The following SERAC1 variants were observed in gnomAD, a reference collection of about 807,000 sequenced individuals.
SERAC1 encodes protein SERAC1.
A neutral mutation model predicts 85.7 loss-of-function variants in SERAC1; 36 were observed. The observed-to-expected ratio is 0.42, with a 90% confidence interval of 0.32 to 0.55. SERAC1 has a LOEUF of 0.55. SERAC1 is among the 20% of genes least tolerant of loss of function. SERAC1 has a pLI of 0.11. For missense variants in SERAC1, 629 were observed against 796.2 expected (o/e 0.79, Z 2.53); for synonymous variants, 242 against 265.3 (o/e 0.91, Z 0.85).
intron 12 of SERAC1, 120 bp downstream of exon 12, chr6:158,118,909 G>T: frequency 8.3e-7 from 1 of 1,208,450 alleles, no homozygotes; most frequent in Non-Finnish European, 1.2e-6. Flanking sequence ...ATCTCCCTAA[G>T]GGAAAGAAGA....
At chr6:158,150,689 G>C (rs1191537297) in intron 3 of SERAC1, 100 bp from the exon 4 acceptor site, 1 of 835,292 alleles carries the variant, frequency 1.2e-6, no homozygotes, top group South Asian at 1.6e-5. Context: ...CTTCTTTTTT[G>C]TTGGGAAACA....
At position 158,119,482 on chromosome 6, in the gene SERAC1, C is replaced by T. The variant is rs1019279938; in HGVS notation, c.1167-312G>A. Among the ~76,000 whole-genome samples, 5 of 152,144 alleles carry T rather than the reference C, an allele frequency of 3.3e-5. No individual in the cohort carries two copies. Among genetic ancestry groups the T allele is most frequent in the East Asian group, 1.9e-4 (1 of 5,192 alleles). The stretch of plus-strand genomic sequence containing the variant: ...TCATAGATTACCCTCTAAAGACTTC[C>T]ATTTGAGAATATTCTACAAATCAAT... On this transcript the variant is annotated intron_variant, in intron 11 of 16. Coordinates refer to ENST00000647468, the MANE Select transcript of SERAC1 (RefSeq NM_032861.4). This position sits in a 1 kb window ranked among gnomAD's most constrained non-coding sequence, Gnocchi z 4.5.
At chr6:158,134,941 T>A (rs543398452) in intron 8 of SERAC1, among the ~76,000 whole-genome samples, 2 of 152,150 alleles carry the variant, frequency 1.3e-5, no homozygotes, top group South Asian at 4.1e-4. Flanking sequence ...CATCAGCCAA[T>A]AAGTGTTGAG....
intron 10 of SERAC1, among the ~76,000 whole-genome samples, chr6:158,126,064 C>T (rs1402403668): frequency 6.6e-6 from 1 of 152,174 alleles, no homozygotes; most frequent in African/African-American, 2.4e-5. Flanking sequence ...AGTATATCTT[C>T]CATCCCACAA....
chr6:158,146,175 A>G (rs920634620), intron 6 of SERAC1: 1 of 152,236 alleles, frequency 6.6e-6, no homozygotes, highest in African/African-American at 2.4e-5. Context: ...AGTTGCTCTC[A>G]AAGAAGTATG....
At chr6:158,162,523 C>A (rs1785510637) in intron 1 of SERAC1, among the ~76,000 whole-genome samples, 1 of 152,146 alleles carries the variant, frequency 6.6e-6, no homozygotes, top group African/African-American at 2.4e-5. Context: ...TTCAATTCTG[C>A]AATATTCTTA....
At chr6:158,115,261 T>G (rs767811946) in intron 14 of SERAC1, among the ~76,000 whole-genome samples, 9 of 152,194 alleles carry the variant, frequency 5.9e-5, no homozygotes, top group Non-Finnish European at 1.3e-4. Flanking sequence ...ACATGAGGTA[T>G]GCCCAGCTGG....
At chr6:158,132,065 G>A (rs936093115) in intron 8 of SERAC1, among the ~76,000 whole-genome samples, 4 of 152,142 alleles carry the variant, frequency 2.6e-5, no homozygotes, top group Non-Finnish European at 5.9e-5. Context: ...AAGATGTATT[G>A]CTGCATTGCT....
At chr6:158,164,544 G>A (rs898614510) in intron 1 of SERAC1, among the ~76,000 whole-genome samples, 9 of 151,914 alleles carry the variant, frequency 5.9e-5, no homozygotes, top group Non-Finnish European at 7.4e-5. Context: ...AGTAGAGAAC[G>A]GAGAAATTTT....
At chr6:158,154,680 T>C (rs561262555) in intron 3 of SERAC1, among the ~76,000 whole-genome samples, 41 of 152,334 alleles carry the variant, frequency 2.7e-4, no homozygotes, top group African/African-American at 9.1e-4. Context: ...ATAGGAGACG[T>C]CCATCTGTTG....
At chr6:158,155,614 C>A (rs1785311367) in intron 2 of SERAC1, among the ~76,000 whole-genome samples, 1 of 152,164 alleles carries the variant, frequency 6.6e-6, no homozygotes, top group Non-Finnish European at 1.5e-5. Flanking sequence ...CCCTGTTCCA[C>A]TACTGATGCT....
At chr6:158,132,282 T>G (rs539365667) in intron 8 of SERAC1, among the ~76,000 whole-genome samples, 1 of 152,228 alleles carries the variant, frequency 6.6e-6, no homozygotes, top group African/African-American at 2.4e-5. Flanking sequence ...GTAAACCAAC[T>G]AAAAATAATT....
Position 158,111,350 on chromosome 6 carries a change from T to C in SERAC1, c.*16A>G, listed in dbSNP as rs199625765. 1,654 of 1,565,208 alleles carry C rather than the reference T, an allele frequency of 1.1e-3. 4 individuals carry two copies. Among genetic ancestry groups the C allele is most frequent in the Non-Finnish European group, 1.0e-3 (1,194 of 1,161,106 alleles). On this transcript the variant is annotated 3_prime_UTR_variant, in exon 17 of 17. Transcript: ENST00000647468. ...TTGCACTGAATTCACATATGAAAAC[T>C]GGAAGAGCACAACTGTTAGTTTTCA...
chr6:158,138,879 T>C (rs1381702543), intron 8 of SERAC1, among the ~76,000 whole-genome samples: 2 of 152,330 alleles, frequency 1.3e-5, no homozygotes, highest in East Asian at 3.9e-4. Context: ...AAAAAATGTA[T>C]AAATTGGACT....
rs1193676920 is a variant in SERAC1 at position 158,111,574 on chromosome 6, C to CCGAATGGGTAGTTCT, written c.1829-87_1829-73dup. 11 of 1,226,202 alleles carry CCGAATGGGTAGTTCT rather than the reference C, an allele frequency of 9.0e-6. No individual in the cohort carries two copies. In the East Asian group the frequency reaches 2.5e-4, roughly 28 times the overall value. The allele number at this position is 1,226,202 out of a possible 1,614,324, so 76.0% of individuals were successfully genotyped here. ...TTCCCCTTGACAATACTGAAAGAGG[C>CCGAATGGGTAGTTCT]CGAATGGGTAGTTCTAGACATTGCT... is the stretch of plus-strand genomic sequence containing the variant. On this transcript the variant is annotated intron_variant, in intron 16 of 16. Coordinates refer to ENST00000647468, the MANE Select transcript of SERAC1 (RefSeq NM_032861.4).
At position 158,110,181 on chromosome 6, in the gene SERAC1, C is replaced by T. The variant is rs1407722127; in HGVS notation, c.*1185G>A. On this transcript the variant is annotated 3_prime_UTR_variant, in exon 17 of 17. Coordinates refer to ENST00000647468, the MANE Select transcript of SERAC1 (RefSeq NM_032861.4). ...GTGGCTTGAGATCGGGAGTTTGAGACCTGGGCAACACAGTGAGACCCTGTC... is the reference window on the plus strand; with the variant it reads ...GTGGCTTGAGATCGGGAGTTTGAGATCTGGGCAACACAGTGAGACCCTGTC... 6.6e-6 allele frequency: 1 copy of T among 152,144 alleles called. No individual in the cohort carries two copies. The highest frequency in any genetic ancestry group is 1.5e-5 in the Non-Finnish European group (1 of 68,056). 9.4% of individuals were successfully genotyped at this position (152,144 alleles called of 1,614,324 possible).
In SERAC1 at chr6:158,130,433, T is replaced by A. The variant is rs755614114; in HGVS notation, c.792A>T (p.Gly264=). ...TTTCCACTGTTGCTGAAGGAACTTC[T>A]CCAAAACTTTCAGCATAAGGAAGTC... The part of the protein sequence containing the change: ...GNGLPYAESF[G]EVPSATVEMF... Residue 264 remains glycine (G), a synonymous_variant, in exon 9 of 17, where the codon GGA becomes GGT. Coordinates refer to ENST00000647468, the MANE Select transcript of SERAC1 (RefSeq NM_032861.4). 4 of 1,604,252 alleles carry A rather than the reference T, an allele frequency of 2.5e-6. No individual in the cohort carries two copies. Among genetic ancestry groups the A allele is most frequent in the Non-Finnish European group, 3.4e-6 (4 of 1,176,806 alleles).
rs150000242 is a variant in SERAC1 at position 158,164,109 on chromosome 6, C to A, written c.-2+4031G>T. ...CCAGCTGTGTCCTTCCTTTTCAAGA[C>A]GGACTATTCTAGGTCCTTGGTACTT... On this transcript the variant is annotated intron_variant, in intron 1 of 16. Transcript: ENST00000647468. Among the ~76,000 whole-genome samples the A allele has an allele frequency of 9.2e-3, 1,394 of 152,110 alleles. 7 individuals are homozygous for A. Among genetic ancestry groups the A allele is most frequent in the Non-Finnish European group, 0.013 (891 of 67,992 alleles).
Position 158,111,353 on chromosome 6 carries a change from A to T in SERAC1, c.*13T>A, listed in dbSNP as rs1313690025. 6.4e-7 allele frequency: 1 copy of T among 1,566,590 alleles called. No homozygotes were observed. The highest frequency in any genetic ancestry group is 8.6e-7 in the Non-Finnish European group (1 of 1,161,872). ...CACTGAATTCACATATGAAAACTGGAAGAGCACAACTGTTAGTTTTCAAGG... is the reference window on the plus strand; with the variant it reads ...CACTGAATTCACATATGAAAACTGGTAGAGCACAACTGTTAGTTTTCAAGG... On this transcript the variant is annotated 3_prime_UTR_variant, in exon 17 of 17. Transcript: ENST00000647468.
Sources: allele counts gnomAD v4.1 joint callset (sites outside exome capture counted in the v4.1 genomes callset), GRCh38; gene constraint gnomAD v4.1.1; non-coding constraint Gnocchi (gnomAD v3.1); transcripts MANE v1.5; gene names NCBI Gene and HGNC (gene_info 2026-07-23, HGNC 2026-07-21).